ATL1: variants seen among roughly 807,000 people sequenced by gnomAD.
ATL1 encodes the protein atlastin GTPase 1.
In ATL1, 31 loss-of-function variants were observed where a neutral mutation model predicts 75.5. The ratio of observed to expected loss-of-function variants is 0.41; its 90% CI spans 0.31 to 0.55. The LOEUF (loss-of-function observed/expected upper bound fraction) is 0.55. Among genes scored for constraint, ATL1 ranks in the 20% least tolerant of loss-of-function variants. The pLI is 0.27. For synonymous variants in ATL1, 226 were observed against 233.3 expected (o/e 0.97, Z 0.28); for missense variants, 405 against 662.6 (o/e 0.61, Z 4.27).
chr14:50,632,180 A>G (rs2039588421), intron 13 of ATL1, 49 bp from the exon 14 acceptor site: 2 of 1,378,530 alleles, frequency 1.5e-6, no homozygotes, highest in South Asian at 1.3e-5. Flanking sequence ...AAAATTTTAC[A>G]TCTGTGTGTT....
intron 3 of ATL1, 76 bp downstream of exon 3, chr14:50,591,151 C>A: frequency 6.9e-7 from 1 of 1,450,288 alleles, no homozygotes; most frequent in Non-Finnish European, 9.5e-7. Flanking sequence ...CTTGAAGTTG[C>A]ACTTTTGAAA....
intron 6 of ATL1, among the ~76,000 whole-genome samples, chr14:50,602,458 C>T (rs2039280154): frequency 1.3e-5 from 2 of 152,184 alleles, no homozygotes. Context: ...GATTTAATCA[C>T]TTCATGCCTT....
intron 1 of ATL1, among the ~76,000 whole-genome samples, chr14:50,541,838 C>T: frequency 6.6e-6 from 1 of 151,364 alleles, no homozygotes; most frequent in East Asian, 1.9e-4. Flanking sequence ...GAAACCCCAT[C>T]TCTCTAAAAA....
At chr14:50,580,094 G>A (rs527767688) in intron 1 of ATL1, among the ~76,000 whole-genome samples, 1 of 152,110 alleles carries the variant, frequency 6.6e-6, no homozygotes, top group African/African-American at 2.4e-5. Context: ...TCAATATTTA[G>A]AACTGTTCCA....
chr14:50,574,830 A>G (rs1480281116), intron 1 of ATL1, among the ~76,000 whole-genome samples: 3 of 150,886 alleles, frequency 2.0e-5, no homozygotes, highest in Non-Finnish European at 3.0e-5. Flanking sequence ...ATGAACCTCT[A>G]TGTAAATAAA....
At chr14:50,620,827 AG>A in intron 9 of ATL1, 101 bp downstream of exon 9, 1 of 1,349,640 alleles carries the variant, frequency 7.4e-7, no homozygotes, top group Non-Finnish European at 1.0e-6. Context: ...ATGGGAGCAA[AG>A]GTACGAGGAA....
chr14:50,535,055 G>A (rs2140138294), intron 1 of ATL1, among the ~76,000 whole-genome samples: 1 of 152,282 alleles, frequency 6.6e-6, no homozygotes, highest in African/African-American at 2.4e-5. Context: ...GGCTTGATAG[G>A]TCCTTCATTC....
At position 50,627,090 on chromosome 14, in the gene ATL1, T is replaced by C. The variant is rs115984249; in HGVS notation, c.1120-941T>C. On this transcript the variant is annotated intron_variant, in intron 11 of 13. Transcript: ENST00000358385. ...AGTCTATCAATATGGCAAACTTTAC[T>C]GTTGTCATATTTTAAGAAATTGCCA... Among the ~76,000 whole-genome samples, 865 of 152,342 alleles carry C rather than the reference T, an allele frequency of 5.7e-3. 4 individuals are homozygous for C. The highest frequency in any genetic ancestry group is 0.02 in the African/African-American group (831 of 41,580).
chr14:50,582,910 A>G (rs945417556), intron 1 of ATL1, among the ~76,000 whole-genome samples: 2 of 152,204 alleles, frequency 1.3e-5, no homozygotes, highest in Non-Finnish European at 2.9e-5. Flanking sequence ...AAAAAGTGCA[A>G]ATATATATTA....
At chr14:50,539,470 T>G (rs2140143538) in intron 1 of ATL1, among the ~76,000 whole-genome samples, 1 of 152,314 alleles carries the variant, frequency 6.6e-6, no homozygotes, top group South Asian at 2.1e-4. Flanking sequence ...AAGGGGAAGA[T>G]ATGGCTGAGG....
intron 10 of ATL1, among the ~76,000 whole-genome samples, chr14:50,622,338 G>A (rs1002912518): frequency 1.3e-5 from 2 of 152,132 alleles, no homozygotes; most frequent in African/African-American, 4.8e-5. Flanking sequence ...AGTCCAGCCT[G>A]GGCAACATAG....
At chr14:50,617,026 CA>C (rs1449044469) in intron 8 of ATL1, among the ~76,000 whole-genome samples, 1 of 152,174 alleles carries the variant, frequency 6.6e-6, no homozygotes, top group Non-Finnish European at 1.5e-5. Context: ...AACAATTATG[CA>C]AAAGTTGTTC....
chr14:50,554,185 G>A (rs2038738116), intron 1 of ATL1, among the ~76,000 whole-genome samples: 1 of 151,702 alleles, frequency 6.6e-6, no homozygotes, highest in Non-Finnish European at 1.5e-5. Context: ...GCCTGATGAA[G>A]AGAACAGTGT....
chr14:50,615,333 C>G (rs1053512856), intron 8 of ATL1, among the ~76,000 whole-genome samples: 2 of 152,164 alleles, frequency 1.3e-5, no homozygotes, highest in African/African-American at 4.8e-5. Flanking sequence ...AGGAGTGAGA[C>G]AGTGGCATTA....
chr14:50,538,819 A>G (rs2038525765), intron 1 of ATL1, among the ~76,000 whole-genome samples: 1 of 152,080 alleles, frequency 6.6e-6, no homozygotes, highest in Non-Finnish European at 1.5e-5. Context: ...TCATTTATTT[A>G]TTTATTAGAG....
Position 50,594,034 on chromosome 14 carries a change from C to T in ATL1, c.573+138C>T, listed in dbSNP as rs1365099769. On this transcript the variant is annotated intron_variant, in intron 5 of 13. Coordinates refer to ENST00000358385, the MANE Select transcript of ATL1 (RefSeq NM_015915.5). ...AGGAACTATTGGCCCAATTAGCTGC[C>T]TGGTAATTACTGCCTGAGACTGGTT... 4.4e-6 allele frequency: 3 copies of T among 678,988 alleles called. No individual in the cohort carries two copies. The African/African-American group carries it at 5.3e-5, about 12-fold the overall frequency. 42.1% of individuals were successfully genotyped at this position (678,988 alleles called of 1,614,324 possible).
chr14:50,584,838 T>C (rs1254134086), intron 1 of ATL1, among the ~76,000 whole-genome samples: 3 of 151,968 alleles, frequency 2.0e-5, no homozygotes, highest in African/African-American at 4.8e-5. Flanking sequence ...AAGAAAATAT[T>C]AATAAAATCT....
chr14:50,534,210 A>G (rs1219383649), intron 1 of ATL1, among the ~76,000 whole-genome samples: 4 of 152,222 alleles, frequency 2.6e-5, no homozygotes, highest in African/African-American at 7.2e-5. Flanking sequence ...GCGTTACTCC[A>G]GGGAATTTCA....
At position 50,628,399 on chromosome 14, in the gene ATL1, C is replaced by T. The variant is rs779304953; in HGVS notation, c.1488C>T (p.Tyr496=). ...TGTGCACTTGGGCATATATCCGGTA[C>T]TCTGGAGAATACCGAGAGCTGGGAG... ...ITLCTWAYIR[Y]SGEYRELGAV... Residue 496 remains tyrosine, a synonymous_variant, in exon 12 of 14, where the codon TAC becomes TAT. Coordinates refer to ENST00000358385, the MANE Select transcript of ATL1 (RefSeq NM_015915.5). The T allele has an allele frequency of 6.2e-7, 1 of 1,614,134 alleles. No homozygotes were observed. The highest frequency in any genetic ancestry group is 1.1e-5 in the South Asian group (1 of 91,086).
Sources: allele counts gnomAD v4.1 joint callset (sites outside exome capture counted in the v4.1 genomes callset), GRCh38; gene constraint gnomAD v4.1.1; transcripts MANE v1.5; gene names NCBI Gene and HGNC (gene_info 2026-07-23, HGNC 2026-07-21).